Variants in ANKH observed in about 807,000 individuals in gnomAD.
ANKH encodes the protein ANKH inorganic pyrophosphate transport regulator.
ANKH carries 15 observed loss-of-function variants against 49.0 expected under a neutral mutation model. The observed-to-expected ratio is 0.31, with a 90% CI of 0.20 to 0.47. The LOEUF is 0.47. Ranked by LOEUF, ANKH falls within the 20% of genes least tolerant of loss-of-function variation. The probability of loss-of-function intolerance (pLI) is 1.00; values close to 1 mark genes in which losing one functional copy is unlikely to be tolerated. For missense variants in ANKH, 429 were observed against 652.0 expected (o/e 0.66, Z 3.72); for synonymous variants, 273 against 260.0 (o/e 1.05, Z -0.48).
At chr5:14,820,625 A>T (rs1741172279) in intron 1 of ANKH, among the ~76,000 whole-genome samples, 1 of 152,230 alleles carries the variant, frequency 6.6e-6, no homozygotes, top group Non-Finnish European at 1.5e-5. Flanking sequence ...AACTTGATCA[A>T]TATTAAGGGT....
intron 1 of ANKH, chr5:14,798,374 G>A: frequency 5.7e-6 from 9 of 1,574,256 alleles, no homozygotes; most frequent in Non-Finnish European, 7.8e-6. Context: ...CCACTGTGTT[G>A]TCAAAGGCTG....
At chr5:14,784,164 A>C (rs773969800) in intron 1 of ANKH, among the ~76,000 whole-genome samples, 17 of 152,268 alleles carry the variant, frequency 1.1e-4, no homozygotes, top group Admixed American at 2.6e-4. Flanking sequence ...ACATGACTTC[A>C]CATGTTACCT....
intron 1 of ANKH, among the ~76,000 whole-genome samples, chr5:14,819,189 G>A (rs140195949): frequency 6.6e-6 from 1 of 152,256 alleles, no homozygotes; most frequent in African/African-American, 2.4e-5. Flanking sequence ...TTCCATAATT[G>A]TCTTCAGAAA....
At chr5:14,797,002 C>T (rs979645208) in intron 1 of ANKH, 8 of 1,132,394 alleles carry the variant, frequency 7.1e-6, no homozygotes, top group South Asian at 1.6e-5. Flanking sequence ...ATAGCATTAT[C>T]GGTGGTACCT....
intron 1 of ANKH, among the ~76,000 whole-genome samples, chr5:14,792,096 A>G (rs1740186390): frequency 6.6e-6 from 1 of 152,130 alleles, no homozygotes; most frequent in African/African-American, 2.4e-5. Flanking sequence ...GAGGGCTCTG[A>G]GGGGGTACAG....
chr5:14,856,175 A>C (rs979830690), intron 1 of ANKH, among the ~76,000 whole-genome samples: 1 of 151,914 alleles, frequency 6.6e-6, no homozygotes, highest in African/African-American at 2.4e-5. Flanking sequence ...GAGGAGGCGG[A>C]GGCTGCAGTG....
At chr5:14,742,995 C>T (rs1032820814) in intron 7 of ANKH, among the ~76,000 whole-genome samples, 4 of 152,228 alleles carry the variant, frequency 2.6e-5, no homozygotes, top group East Asian at 3.8e-4. Context: ...CACCTGGCTC[C>T]GCATCCAGCC....
At chr5:14,807,643 C>T (rs1740748487) in intron 1 of ANKH, among the ~76,000 whole-genome samples, 1 of 152,134 alleles carries the variant, frequency 6.6e-6, no homozygotes, top group Admixed American at 6.5e-5. Flanking sequence ...ACACTGTGTC[C>T]CCCTATAGTA....
intron 1 of ANKH, among the ~76,000 whole-genome samples, chr5:14,785,618 T>C (rs376042994): frequency 1.3e-5 from 2 of 152,192 alleles, no homozygotes; most frequent in Admixed American, 6.5e-5. Context: ...CTTACAGCAA[T>C]GCAAAAACTA....
intron 1 of ANKH, among the ~76,000 whole-genome samples, chr5:14,788,948 G>T (rs1020500072): frequency 5.3e-5 from 8 of 152,206 alleles, no homozygotes; most frequent in Non-Finnish European, 8.8e-5. Context: ...ACTTATTTGG[G>T]CCGGGCACGG....
At chr5:14,742,083 G>A (rs570959835) in intron 7 of ANKH, among the ~76,000 whole-genome samples, 161 bp from the exon 8 acceptor site, 13 of 152,286 alleles carry the variant, frequency 8.5e-5, no homozygotes, top group Admixed American at 3.9e-4. Flanking sequence ...AGTGTCTCTC[G>A]GGCAGCTGTC....
chr5:14,789,989 C>A (rs1239972309), intron 1 of ANKH, among the ~76,000 whole-genome samples: 2 of 152,244 alleles, frequency 1.3e-5, no homozygotes, highest in East Asian at 3.9e-4. Flanking sequence ...GGATTACAGG[C>A]GTGAGCCACC....
intron 1 of ANKH, among the ~76,000 whole-genome samples, chr5:14,806,637 G>A (rs1318645108): frequency 6.6e-6 from 1 of 152,308 alleles, no homozygotes; most frequent in East Asian, 1.9e-4. Context: ...AAGAGCAGGC[G>A]AGTTCCTGTG....
At chr5:14,805,485 TACACACACACAC>T (rs111728811) in intron 1 of ANKH, among the ~76,000 whole-genome samples, 2 of 132,138 alleles carry the variant, frequency 1.5e-5, no homozygotes, top group Admixed American at 1.5e-4. Context: ...GTTTATAGGA[TACACACACACAC>T]ACACACACAC....
At chr5:14,723,435 G>A (rs1737730888) in intron 8 of ANKH, among the ~76,000 whole-genome samples, 1 of 152,106 alleles carries the variant, frequency 6.6e-6, no homozygotes, top group East Asian at 1.9e-4. Context: ...GTCAAGGTGG[G>A]AGGACTGCTT....
Position 14,745,260 on chromosome 5 carries a change from T to A in ANKH, c.915+610A>T, listed in dbSNP as rs1738495177. Reference sequence around the variant, plus strand: ...TCTATAGGTTTAAATGATAACGCTATAAAATAGACTTTAATTGAATGACAG... The same window carrying A: ...TCTATAGGTTTAAATGATAACGCTAAAAAATAGACTTTAATTGAATGACAG... On this transcript the variant is annotated intron_variant, in intron 7 of 11. Coordinates refer to ENST00000284268, the MANE Select transcript of ANKH (RefSeq NM_054027.6). The surrounding 1 kb of genome is among the most constrained non-coding windows in gnomAD (Gnocchi z 4.7). Among the ~76,000 whole-genome samples the A allele has an allele frequency of 2.0e-5, 3 of 152,346 alleles. No homozygotes were observed. In the South Asian group the frequency reaches 6.2e-4, roughly 32 times the overall value.
chr5:14,776,241 T>A (rs1739617835), intron 1 of ANKH, among the ~76,000 whole-genome samples: 1 of 151,680 alleles, frequency 6.6e-6, no homozygotes, highest in Non-Finnish European at 1.5e-5. Flanking sequence ...AGAGGGAAGG[T>A]TTGAGAGGAA....
intron 2 of ANKH, 34 bp downstream of exon 2, chr5:14,768,941 A>T (rs1217609625): frequency 1.2e-6 from 2 of 1,601,820 alleles, no homozygotes; most frequent in Non-Finnish European, 1.7e-6. Context: ...AAATTGCCAA[A>T]GCTAGATTCG....
At chr5:14,844,051 A>C (rs1446868900) in intron 1 of ANKH, among the ~76,000 whole-genome samples, 4 of 152,194 alleles carry the variant, frequency 2.6e-5, no homozygotes, top group African/African-American at 9.7e-5. Flanking sequence ...TCAAGTTCCC[A>C]TTCACCGTAG....
Sources: gnomAD v4.1 joint callset for allele counts (sites outside exome capture counted in the v4.1 genomes callset) on GRCh38, gnomAD v4.1.1 for gene constraint, Gnocchi (gnomAD v3.1) non-coding constraint, MANE v1.5 for transcripts, NCBI Gene and HGNC (gene_info 2026-07-23, HGNC 2026-07-21) for gene names.